Variants in AOPEP observed in about 807,000 individuals in gnomAD.
AOPEP encodes aminopeptidase O.
Under a neutral mutation model 98.1 loss-of-function variants are expected in AOPEP, and 77 were observed. That is an observed-to-expected ratio of 0.78 (90% CI 0.65 to 0.95). AOPEP has a LOEUF of 0.95. AOPEP is among the 40% of genes least tolerant of loss of function. The probability of loss-of-function intolerance (pLI) is 0.00; values close to 1 mark genes in which losing one functional copy is unlikely to be tolerated. For missense variants in AOPEP, 1,024 were observed against 1,024.7 expected (o/e 1.00, Z 0.01); for synonymous variants, 346 against 365.3 (o/e 0.95, Z 0.60).
intron 6 of AOPEP, among the ~76,000 whole-genome samples, chr9:94,925,201 G>T (rs2054132790): frequency 6.6e-6 from 1 of 152,198 alleles, no homozygotes; most frequent in Admixed American, 6.5e-5. Context: ...ATATTGGCCA[G>T]TCTGGTCTCG....
the AOPEP span, chr9:95,117,448 A>G: frequency 1.3e-5 from 19 of 1,446,926 alleles, no homozygotes; most frequent in African/African-American, 2.4e-4. Context: ...CGGGGTCAGG[A>G]AAATACAAAA....
rs542554782 is a variant in AOPEP at position 94,893,606 on chromosome 9, C to G, written c.1365-30380C>G. ...TAATGATTTAGTAGTCAGTCTTGTG[C>G]TTGTGTGAGGAGAGGCTTTCCAGAG... is the stretch of plus-strand genomic sequence containing the variant. On this transcript the variant is annotated intron_variant, in intron 5 of 16. Transcript: ENST00000375315. Among the ~76,000 whole-genome samples, 293 of 152,218 alleles carry G rather than the reference C, an allele frequency of 1.9e-3. 7 individuals carry two copies. Among genetic ancestry groups the G allele is most frequent in the South Asian group, 4.8e-3 (23 of 4,822 alleles).
At position 94,759,576 on chromosome 9, in the gene AOPEP, C is replaced by T. The variant is rs113995843; in HGVS notation, c.-135-73C>T. On this transcript the variant is annotated intron_variant, in intron 1 of 16. Transcript: ENST00000375315. ...TTATTTAAGGATGGTGGTCAACTTG[C>T]AGGAGCAGCAGTTGCAGGAGCACTT... The T allele has an allele frequency of 4.0e-3, 2,169 of 539,898 alleles. 43 individuals are homozygous for T. The highest frequency in any genetic ancestry group is 0.038 in the African/African-American group (2,000 of 52,738). 33.4% of individuals were successfully genotyped at this position (539,898 alleles called of 1,614,324 possible). A position where few individuals can be genotyped will look rare whatever the true frequency, so the allele number is the denominator to read the frequency against.
chr9:95,071,359 T>C (rs926175582), intron 14 of AOPEP, among the ~76,000 whole-genome samples: 7 of 146,216 alleles, frequency 4.8e-5, no homozygotes, highest in African/African-American at 1.8e-4. Context: ...TTTGGGATGC[T>C]GAATATATAT....
chr9:95,094,391 C>T, the AOPEP span, among the ~76,000 whole-genome samples: 12 of 152,302 alleles, frequency 7.9e-5, no homozygotes, highest in Admixed American at 6.5e-4. Context: ...TCAGCAGCCT[C>T]GGTGTCTTCA....
the AOPEP span, chr9:95,111,475 T>C: frequency 2.5e-6 from 4 of 1,613,244 alleles, no homozygotes; most frequent in Non-Finnish European, 2.5e-6. Flanking sequence ...TAGTCTGTGC[T>C]CTCTGCTGCC....
chr9:94,763,733 G>C (rs974121546), intron 2 of AOPEP, among the ~76,000 whole-genome samples: 2 of 152,188 alleles, frequency 1.3e-5, no homozygotes, highest in Non-Finnish European at 2.9e-5. Context: ...ACAGCGATGG[G>C]GGTATGCCAG....
At chr9:95,126,212 T>C in the AOPEP span, among the ~76,000 whole-genome samples, 2 of 152,230 alleles carry the variant, frequency 1.3e-5, no homozygotes, top group Admixed American at 1.3e-4. Context: ...ATTGCTACCC[T>C]TTATTCTGAG....
chr9:95,025,703 G>GT (rs1264824165), intron 13 of AOPEP, among the ~76,000 whole-genome samples: 4 of 152,230 alleles, frequency 2.6e-5, no homozygotes, highest in Admixed American at 6.5e-5. Context: ...AGTGACTTGT[G>GT]TAAGGTTTTA....
intron 1 of AOPEP, among the ~76,000 whole-genome samples, chr9:94,751,793 T>C (rs1270061999): frequency 6.6e-6 from 1 of 151,736 alleles, no homozygotes; most frequent in Non-Finnish European, 1.5e-5. Context: ...AGGGGGTCCA[T>C]GTGCAGGTTT....
chr9:95,110,658 A>AAAC, the AOPEP span: 9 of 1,048,202 alleles, frequency 8.6e-6, no homozygotes, highest in Non-Finnish European at 9.2e-6. Context: ...GTGTGTTTTC[A>AAAC]AACAACAGAA....
intron 5 of AOPEP, among the ~76,000 whole-genome samples, chr9:94,841,753 A>G (rs756363089): frequency 4.0e-4 from 61 of 152,160 alleles, no homozygotes; most frequent in Non-Finnish European, 8.1e-4. Flanking sequence ...GTGTACTTTA[A>G]AAGAATATCT....
intron 5 of AOPEP, among the ~76,000 whole-genome samples, chr9:94,854,621 A>G (rs562668260): frequency 4.6e-5 from 7 of 152,212 alleles, no homozygotes; most frequent in Non-Finnish European, 1.0e-4. Flanking sequence ...ACTATAGGTT[A>G]TGTTTTAAAA....
chr9:94,948,287 T>C (rs1472636473), intron 7 of AOPEP, among the ~76,000 whole-genome samples: 4 of 152,018 alleles, frequency 2.6e-5, no homozygotes, highest in African/African-American at 9.7e-5. Flanking sequence ...CTCTGTTTTT[T>C]AGCCTTGTAT....
rs2055405174 is a variant in AOPEP, at chr9:94,932,022, CCT to C, written c.1661+3494_1661+3495del. ...AAAGACTGAATAACGTGTCTAACCT[CCT>C]CTAGCTGATAAAGAAGAGAACAGGG... On this transcript the variant is annotated intron_variant, in intron 7 of 16. Coordinates refer to ENST00000375315, the MANE Select transcript of AOPEP (RefSeq NM_001193329.3). 5 of 1,191,364 alleles carry C rather than the reference CCT, an allele frequency of 4.2e-6. No individual in the cohort carries two copies. In the South Asian group the frequency reaches 1.1e-4, roughly 26 times the overall value. 73.8% of individuals were successfully genotyped at this position (1,191,364 alleles called of 1,614,324 possible).
intron 1 of AOPEP, among the ~76,000 whole-genome samples, chr9:94,727,162 A>G (rs10993329): frequency 0.089 from 13,500 of 152,106 alleles, 715 homozygotes; most frequent in African/African-American, 0.13. Context: ...ATTCATTTCC[A>G]CTTGCAGTGA....
intron 9 of AOPEP, among the ~76,000 whole-genome samples, chr9:94,960,943 C>T (rs1224566923): frequency 2.7e-5 from 4 of 147,750 alleles, no homozygotes; most frequent in African/African-American, 1.0e-4. Context: ...ACCCGGGAGG[C>T]GGAGCTTGCA....
rs1255869542 is a variant in AOPEP, at chr9:94,730,155, G to A, written c.-136+3404G>A. 2.0e-5 allele frequency among the ~76,000 whole-genome samples: 3 copies of A among 151,980 alleles called. 1 individual carries two copies. The highest frequency in any genetic ancestry group is 1.3e-4 in the Admixed American group (2 of 15,254). Reference sequence around the variant, plus strand: ...AAAAATTAGCTGGGCGTGGTGGCGGGCGCCTATAGTCCCAGCTACTCGTGA... The same window carrying A: ...AAAAATTAGCTGGGCGTGGTGGCGGACGCCTATAGTCCCAGCTACTCGTGA... On this transcript the variant is annotated intron_variant, in intron 1 of 16. Coordinates refer to ENST00000375315, the MANE Select transcript of AOPEP (RefSeq NM_001193329.3).
intron 11 of AOPEP, among the ~76,000 whole-genome samples, chr9:94,999,879 G>A (rs916301849): frequency 6.6e-6 from 1 of 152,032 alleles, no homozygotes; most frequent in African/African-American, 2.4e-5. Context: ...AATCTCAGAG[G>A]GGGTCAAGAA....
Sources: allele counts gnomAD v4.1 joint callset (sites outside exome capture counted in the v4.1 genomes callset), GRCh38; gene constraint gnomAD v4.1.1; transcripts MANE v1.5; gene names NCBI Gene and HGNC (gene_info 2026-07-23, HGNC 2026-07-21).